Variants in EPHA6 observed in about 807,000 individuals in gnomAD.
EPHA6 encodes the protein EPH receptor A6, also known as ephrin type-A receptor 6.
In EPHA6, 50 loss-of-function variants were observed where a neutral mutation model predicts 112.0. The ratio of observed to expected loss-of-function variants is 0.45; its 90% confidence interval spans 0.36 to 0.56. EPHA6 has a LOEUF of 0.56. Ranked by LOEUF, EPHA6 falls within the 20% of genes least tolerant of loss-of-function variation. The pLI is 0.00. For synonymous variants in EPHA6, 529 were observed against 490.7 expected (o/e 1.08, Z -1.03); for missense variants, 1,280 against 1,417.4 (o/e 0.90, Z 1.56).
At chr3:97,363,658 T>G in intron 5 of EPHA6, among the ~76,000 whole-genome samples, 1 of 152,078 alleles carries the variant, frequency 6.6e-6, no homozygotes, top group Non-Finnish European at 1.5e-5. Flanking sequence ...TCTAGATATA[T>G]ACCCAAAATA....
chr3:97,268,310 G>A (rs894300840), intron 5 of EPHA6, among the ~76,000 whole-genome samples: 1 of 152,216 alleles, frequency 6.6e-6, no homozygotes, highest in Non-Finnish European at 1.5e-5. Flanking sequence ...CAGGCTGGAA[G>A]ATCAAGTTTG....
chr3:96,898,812 G>A (rs1489567604), intron 2 of EPHA6, among the ~76,000 whole-genome samples: 5 of 151,886 alleles, frequency 3.3e-5, no homozygotes, highest in East Asian at 2.0e-4. Context: ...GGCGGATCAC[G>A]AGGTCAGGAG....
chr3:97,113,580 T>C (rs1170113759), intron 3 of EPHA6, among the ~76,000 whole-genome samples: 1 of 152,102 alleles, frequency 6.6e-6, no homozygotes, highest in African/African-American at 2.4e-5. Flanking sequence ...GCAACACTCT[T>C]TGCAGCTGAA....
chr3:97,736,900 A>G (rs1185980428), intron 16 of EPHA6, among the ~76,000 whole-genome samples: 1 of 152,054 alleles, frequency 6.6e-6, no homozygotes, highest in African/African-American at 2.4e-5. Flanking sequence ...TGCATATCCA[A>G]AGCTCACCTT....
At chr3:97,710,896 G>A (rs559650339) in intron 14 of EPHA6, among the ~76,000 whole-genome samples, 1 of 152,306 alleles carries the variant, frequency 6.6e-6, no homozygotes, top group African/African-American at 2.4e-5. Context: ...AATACTACTA[G>A]TATAAATATA....
chr3:96,905,709 T>G (rs923750178), intron 2 of EPHA6, among the ~76,000 whole-genome samples: 5 of 138,842 alleles, frequency 3.6e-5, no homozygotes, highest in African/African-American at 1.3e-4. Flanking sequence ...TCTCATTAGG[T>G]TTTTTTTTTA....
At chr3:96,995,586 A>G (rs578161377) in intron 3 of EPHA6, among the ~76,000 whole-genome samples, 1 of 152,144 alleles carries the variant, frequency 6.6e-6, no homozygotes, top group Non-Finnish European at 1.5e-5. Context: ...GACACATTTC[A>G]GGTTCAGTTC....
intron 2 of EPHA6, among the ~76,000 whole-genome samples, chr3:96,936,944 CT>C (rs556719586): frequency 6.6e-6 from 1 of 152,168 alleles, no homozygotes; most frequent in East Asian, 1.9e-4. Context: ...TGAACTACTC[CT>C]TTTTTATGGC....
chr3:97,306,149 T>C (rs1401214620), intron 5 of EPHA6, among the ~76,000 whole-genome samples: 1 of 151,904 alleles, frequency 6.6e-6, no homozygotes, highest in Non-Finnish European at 1.5e-5. Flanking sequence ...CAATGTGAAT[T>C]GATAACAACT....
chr3:97,341,557 G>C (rs1199442678), intron 5 of EPHA6, among the ~76,000 whole-genome samples: 2 of 152,030 alleles, frequency 1.3e-5, no homozygotes, highest in Non-Finnish European at 2.9e-5. Context: ...GTTTCACCAT[G>C]TTGGCCAGGA....
chr3:96,937,775 A>G (rs1238600663), intron 2 of EPHA6, among the ~76,000 whole-genome samples: 4 of 151,992 alleles, frequency 2.6e-5, no homozygotes, highest in South Asian at 2.1e-4. Context: ...ATCTTGAATT[A>G]ATTTTTGTAT....
intron 3 of EPHA6, among the ~76,000 whole-genome samples, chr3:97,112,369 A>T (rs2047749248): frequency 6.6e-6 from 1 of 152,116 alleles, no homozygotes; most frequent in South Asian, 2.1e-4. Flanking sequence ...TCCACTTTAG[A>T]CTTTGATGAT....
intron 1 of EPHA6, among the ~76,000 whole-genome samples, chr3:96,843,786 A>G (rs567205828): frequency 5.3e-4 from 80 of 152,190 alleles, no homozygotes; most frequent in South Asian, 1.0e-3. Context: ...TGTTTATATG[A>G]CGCCTTAAAG....
intron 5 of EPHA6, among the ~76,000 whole-genome samples, chr3:97,340,489 G>T (rs1199240622): frequency 2.0e-5 from 3 of 152,174 alleles, no homozygotes; most frequent in Admixed American, 1.3e-4. Flanking sequence ...GAACTCAAAA[G>T]AAGCACAGAA....
intron 3 of EPHA6, among the ~76,000 whole-genome samples, chr3:97,219,511 C>A (rs1317892837): frequency 6.6e-6 from 1 of 152,204 alleles, no homozygotes; most frequent in Non-Finnish European, 1.5e-5. Context: ...GGATTGCAAC[C>A]TCTGAAGCAA....
intron 14 of EPHA6, among the ~76,000 whole-genome samples, chr3:97,697,496 G>A (rs977551467): frequency 1.1e-4 from 17 of 152,224 alleles, no homozygotes; most frequent in African/African-American, 3.1e-4. Flanking sequence ...TTCTTAGTCC[G>A]TCATGAAAAC....
intron 5 of EPHA6, among the ~76,000 whole-genome samples, chr3:97,298,670 A>C (rs1429460793): frequency 6.6e-6 from 1 of 152,154 alleles, no homozygotes; most frequent in Admixed American, 6.5e-5. Flanking sequence ...AAAAAAAGAA[A>C]TATTATTTAG....
At chr3:97,482,416 A>G (rs1042889796) in intron 9 of EPHA6, among the ~76,000 whole-genome samples, 1 of 152,210 alleles carries the variant, frequency 6.6e-6, no homozygotes, top group African/African-American at 2.4e-5. Context: ...GGTACAAACT[A>G]TCTGTTCTCA....
In EPHA6 at chr3:96,941,067, A is replaced by C. The variant is rs1426466877; in HGVS notation, c.451-46263A>C. Among the ~76,000 whole-genome samples, 4 of 152,162 alleles carry C rather than the reference A, an allele frequency of 2.6e-5. No homozygotes were observed. The East Asian group carries it at 7.7e-4, about 29-fold the overall frequency. ...CATTTCAACTTTGGTGAATCTGACA[A>C]TTATGTGTCTTGGAGTTGCTCTTCT... On this transcript the variant is annotated intron_variant, in intron 2 of 17. Coordinates refer to ENST00000389672, the MANE Select transcript of EPHA6 (RefSeq NM_001080448.3).
Sources: gnomAD v4.1 joint callset for allele counts (sites outside exome capture counted in the v4.1 genomes callset) on GRCh38, gnomAD v4.1.1 for gene constraint, MANE v1.5 for transcripts, NCBI Gene and HGNC (gene_info 2026-07-23, HGNC 2026-07-21) for gene names.